NRXN3: variants seen among roughly 807,000 people sequenced by gnomAD.
NRXN3 encodes neurexin 3.
Under a neutral mutation model 137.6 loss-of-function variants are expected in NRXN3, and 32 were observed. The observed-to-expected ratio is 0.23, with a 90% CI of 0.18 to 0.31. NRXN3 has a LOEUF of 0.31. Ranked by LOEUF, NRXN3 falls within the 10% of genes least tolerant of loss-of-function variation. NRXN3 has a pLI of 1.00. For synonymous variants in NRXN3, 798 were observed against 784.5 expected, an observed-to-expected ratio of 1.02 and a Z score of -0.29; for missense variants, 1,574 against 2,062.5, an observed-to-expected ratio of 0.76 and a Z score of 4.59.
intron 15 of NRXN3, among the ~76,000 whole-genome samples, chr14:79,109,068 C>T (rs1416211384): frequency 3.9e-5 from 6 of 152,140 alleles, no homozygotes; most frequent in African/African-American, 9.7e-5. Context: ...TGTCCAAAGA[C>T]GTTATTCTTT....
intron 4 of NRXN3, among the ~76,000 whole-genome samples, chr14:78,461,997 C>T (rs1324852224): frequency 6.6e-6 from 1 of 152,188 alleles, no homozygotes. Context: ...CATTGAACTG[C>T]TGTGTGATCT....
chr14:78,598,869 G>A (rs2097180160), intron 4 of NRXN3, among the ~76,000 whole-genome samples: 1 of 152,182 alleles, frequency 6.6e-6, no homozygotes, highest in African/African-American at 2.4e-5. Flanking sequence ...AAACTGGAAG[G>A]TGGGTCTAGG....
intron 10 of NRXN3, among the ~76,000 whole-genome samples, chr14:78,822,082 A>C (rs1057006523): frequency 2.0e-5 from 3 of 152,274 alleles, no homozygotes; most frequent in Admixed American, 1.3e-4. Context: ...GTGAAGATAC[A>C]ACTTCATTCT....
chr14:79,054,703 C>T (rs2099653298), intron 15 of NRXN3, among the ~76,000 whole-genome samples: 1 of 152,068 alleles, frequency 6.6e-6, no homozygotes, highest in African/African-American at 2.4e-5. Flanking sequence ...GGATATAGAG[C>T]CAATGCCACT....
intron 16 of NRXN3, among the ~76,000 whole-genome samples, chr14:79,604,939 G>A (rs113203240): frequency 6.6e-6 from 1 of 152,228 alleles, no homozygotes; most frequent in African/African-American, 2.4e-5. Flanking sequence ...GGCTGAGGCA[G>A]GAGAATCGCT....
At chr14:78,382,890 G>T (rs147737240) in intron 4 of NRXN3, among the ~76,000 whole-genome samples, 48 of 152,242 alleles carry the variant, frequency 3.2e-4, no homozygotes, top group African/African-American at 1.1e-3. Flanking sequence ...CGATCTCTCT[G>T]ATCTGAGATC....
At chr14:79,133,821 C>T (rs568095298) in intron 15 of NRXN3, among the ~76,000 whole-genome samples, 12 of 150,846 alleles carry the variant, frequency 8.0e-5, no homozygotes, top group South Asian at 2.1e-4. Context: ...CCCAGCTACT[C>T]GGGAGGCTGA....
intron 15 of NRXN3, among the ~76,000 whole-genome samples, chr14:79,134,936 C>A (rs1459197176): frequency 6.6e-6 from 1 of 151,998 alleles, no homozygotes; most frequent in African/African-American, 2.4e-5. Flanking sequence ...ACTAGTTTAC[C>A]AAATCCCTGC....
chr14:79,512,461 T>C (rs1218818917), intron 16 of NRXN3, among the ~76,000 whole-genome samples: 1 of 152,204 alleles, frequency 6.6e-6, no homozygotes. Context: ...TAAACAATGT[T>C]ATTTAACACT....
At chr14:79,152,267 A>C (rs1277526781) in intron 15 of NRXN3, among the ~76,000 whole-genome samples, 1 of 152,048 alleles carries the variant, frequency 6.6e-6, no homozygotes, top group East Asian at 1.9e-4. Context: ...ACTATCTTGC[A>C]TCTCACTATC....
At chr14:78,335,949 T>C (rs2081412785) in intron 4 of NRXN3, among the ~76,000 whole-genome samples, 1 of 152,122 alleles carries the variant, frequency 6.6e-6, no homozygotes. Context: ...ACAAAAGCCT[T>C]CCAGCTTTCC....
intron 4 of NRXN3, among the ~76,000 whole-genome samples, chr14:78,455,783 T>G (rs1225465523): frequency 6.6e-6 from 1 of 152,132 alleles, no homozygotes; most frequent in Non-Finnish European, 1.5e-5. Flanking sequence ...CTATCACCAG[T>G]GGGCATTACT....
At chr14:79,000,742 C>G (rs930753332) in intron 15 of NRXN3, among the ~76,000 whole-genome samples, 16 of 152,088 alleles carry the variant, frequency 1.1e-4, no homozygotes, top group Non-Finnish European at 1.5e-5. Context: ...GGGCCTGCAG[C>G]TCAACATACA....
intron 15 of NRXN3, among the ~76,000 whole-genome samples, chr14:79,282,321 A>C (rs2081405957): frequency 6.6e-6 from 1 of 152,152 alleles, no homozygotes; most frequent in Admixed American, 6.5e-5. Context: ...AGATTAGCTA[A>C]ATTTTGCTAA....
chr14:78,294,077 A>G (rs1231647040), intron 3 of NRXN3, among the ~76,000 whole-genome samples: 2 of 152,154 alleles, frequency 1.3e-5, no homozygotes, highest in Non-Finnish European at 2.9e-5. Flanking sequence ...AACCCTCTTT[A>G]TAGTCCCTAC....
intron 19 of NRXN3, among the ~76,000 whole-genome samples, chr14:79,767,955 C>T (rs1453864496): frequency 6.6e-6 from 1 of 152,232 alleles, no homozygotes; most frequent in African/African-American, 2.4e-5. Flanking sequence ...AATTGCCTCA[C>T]TCGGGAAGCG....
intron 3 of NRXN3, among the ~76,000 whole-genome samples, chr14:78,286,979 C>G (rs1266315474): frequency 9.9e-5 from 15 of 152,138 alleles, no homozygotes; most frequent in African/African-American, 3.4e-4. Context: ...GAATTTGAAT[C>G]CAGGCTTTGG....
chr14:78,511,433 G>A (rs551250271), intron 4 of NRXN3, among the ~76,000 whole-genome samples: 5 of 152,252 alleles, frequency 3.3e-5, no homozygotes, highest in Admixed American at 2.6e-4. Context: ...ACAAAAAAAG[G>A]TGTTAATCTC....
intron 19 of NRXN3, among the ~76,000 whole-genome samples, chr14:79,720,574 T>C (rs2098841059): frequency 6.6e-6 from 1 of 152,100 alleles, no homozygotes; most frequent in Non-Finnish European, 1.5e-5. Flanking sequence ...TCTGGACCTC[T>C]AGAGAGCCAT....
Sources: gnomAD v4.1 joint callset for allele counts (sites outside exome capture counted in the v4.1 genomes callset) on GRCh38, gnomAD v4.1.1 for gene constraint, MANE v1.5 for transcripts, NCBI Gene and HGNC (gene_info 2026-07-23, HGNC 2026-07-21) for gene names.